The following GAS2L3 variants were observed in gnomAD, a reference collection of about 807,000 sequenced individuals.
GAS2L3 encodes the protein GAS2-like protein 3.
A neutral mutation model predicts 37.0 loss-of-function variants in GAS2L3; 28 were observed. That is an observed-to-expected ratio of 0.76 (90% confidence interval 0.56 to 1.04). The LOEUF (loss-of-function observed/expected upper bound fraction) is 1.04. Among genes scored for constraint, GAS2L3 ranks in the 50% least tolerant of loss-of-function variants. The pLI, the probability that GAS2L3 is intolerant of heterozygous loss-of-function variation, is 0.00. For synonymous variants in GAS2L3, 290 were observed against 296.6 expected (o/e 0.98, Z 0.23); for missense variants, 793 against 817.6 (o/e 0.97, Z 0.37).
chr12:100,611,403 G>A (rs777714608), intron 5 of GAS2L3: 2 of 152,082 alleles, frequency 1.3e-5, no homozygotes, highest in East Asian at 1.9e-4. Context: ...TAAGATTCTT[G>A]TTTCATTTTA....
At position 100,628,057 on chromosome 12, in the gene GAS2L3, C is replaced by G. The variant is rs1266612589; in HGVS notation, c.*3167C>G. On this transcript the variant is annotated 3_prime_UTR_variant, in exon 10 of 10. Transcript: ENST00000547754. Reference sequence around the variant, plus strand: ...TTGTCATTCTTTATGGATAAGAGAACTTAAGGAAAAGTTACTGTTTTTCTT... The same window carrying G: ...TTGTCATTCTTTATGGATAAGAGAAGTTAAGGAAAAGTTACTGTTTTTCTT... The G allele has an allele frequency of 6.6e-6, 1 of 152,064 alleles. No homozygotes were observed. The highest frequency in any genetic ancestry group is 2.4e-5 in the African/African-American group (1 of 41,414). 9.4% of individuals were successfully genotyped at this position (152,064 alleles called of 1,614,324 possible). A position where few individuals can be genotyped will look rare whatever the true frequency, so the allele number is the denominator to read the frequency against.
At chr12:100,619,957 G>A (rs965740105) in intron 8 of GAS2L3, among the ~76,000 whole-genome samples, 2 of 151,992 alleles carry the variant, frequency 1.3e-5, no homozygotes, top group Non-Finnish European at 2.9e-5. Context: ...TGCCCCACTA[G>A]CAAGATTTTT....
In GAS2L3 at chr12:100,594,940, A is replaced by G. The variant is rs778627480; in HGVS notation, c.18+18A>G. On this transcript the variant is annotated intron_variant, in intron 3 of 9. Coordinates refer to ENST00000547754, the MANE Select transcript of GAS2L3 (RefSeq NM_174942.3). ...CAATTCAAGTAAGTTTTTTTCTTGG[A>G]AACAATATTTAAATTATGAGATTAA... The G allele has an allele frequency of 7.5e-6, 9 of 1,196,428 alleles. No individual in the cohort carries two copies. The highest frequency in any genetic ancestry group is 1.1e-5 in the Non-Finnish European group (9 of 854,826). 74.1% of individuals were successfully genotyped at this position (1,196,428 alleles called of 1,614,324 possible).
chr12:100,588,584 G>A (rs897816023), intron 1 of GAS2L3, among the ~76,000 whole-genome samples: 4 of 152,156 alleles, frequency 2.6e-5, no homozygotes, highest in Non-Finnish European at 4.4e-5. Context: ...CAGAAAACAG[G>A]GTTTGAGAGC....
chr12:100,617,688 A>G, intron 6 of GAS2L3, 56 bp from the exon 7 acceptor site: 1 of 1,050,278 alleles, frequency 9.5e-7, no homozygotes, highest in Non-Finnish European at 1.5e-6. Flanking sequence ...CCATGCCAGA[A>G]ATATGTTTCC....
At position 100,625,984 on chromosome 12, in the gene GAS2L3, C is replaced by G. The variant is rs1231879280; in HGVS notation, c.*1094C>G. The G allele has an allele frequency of 6.6e-6, 1 of 152,148 alleles. No individual in the cohort carries two copies. The highest frequency in any genetic ancestry group is 2.4e-5 in the African/African-American group (1 of 41,422). 9.4% of individuals were successfully genotyped at this position (152,148 alleles called of 1,614,324 possible). On this transcript the variant is annotated 3_prime_UTR_variant, in exon 10 of 10. Transcript: ENST00000547754. Reference sequence around the variant, plus strand: ...GTAGACAGGATATGTTCAAGGTTTTCTGCACTGTAGGCACAGTCTCTCAAG... The same window carrying G: ...GTAGACAGGATATGTTCAAGGTTTTGTGCACTGTAGGCACAGTCTCTCAAG...
intron 3 of GAS2L3, among the ~76,000 whole-genome samples, chr12:100,600,065 T>A (rs1955965515): frequency 6.6e-6 from 1 of 152,082 alleles, no homozygotes; most frequent in Admixed American, 6.6e-5. Flanking sequence ...CTGCAATACA[T>A]AAAATTAAAA....
chr12:100,619,764 T>C (rs557063886), intron 8 of GAS2L3, among the ~76,000 whole-genome samples: 18 of 152,032 alleles, frequency 1.2e-4, no homozygotes, highest in Non-Finnish European at 2.1e-4. Flanking sequence ...TGGAACAATA[T>C]TTTTATCAAG....
chr12:100,614,373 G>A (rs369189649), intron 6 of GAS2L3, among the ~76,000 whole-genome samples: 37 of 151,992 alleles, frequency 2.4e-4, no homozygotes, highest in African/African-American at 8.2e-4. Flanking sequence ...TGAGGCAGGA[G>A]AATTACTTGA....
At chr12:100,577,236 A>G (rs965938369) in intron 1 of GAS2L3, among the ~76,000 whole-genome samples, 1 of 152,204 alleles carries the variant, frequency 6.6e-6, no homozygotes, top group Admixed American at 6.5e-5. Context: ...TACTGTATGA[A>G]TGTCCCATTA....
At chr12:100,609,940 A>G (rs1593180993) in intron 5 of GAS2L3, among the ~76,000 whole-genome samples, 1 of 152,178 alleles carries the variant, frequency 6.6e-6, no homozygotes. Flanking sequence ...GGGGTGGGCA[A>G]TTTAAGACTG....
chr12:100,601,243 T>C (rs1192518791), intron 4 of GAS2L3, among the ~76,000 whole-genome samples: 1 of 152,162 alleles, frequency 6.6e-6, no homozygotes, highest in Non-Finnish European at 1.5e-5. Flanking sequence ...ATAATGTTTT[T>C]AAAGAAGACA....
chr12:100,590,406 A>G (rs1271975030), intron 1 of GAS2L3, among the ~76,000 whole-genome samples: 2 of 152,208 alleles, frequency 1.3e-5, no homozygotes, highest in Non-Finnish European at 2.9e-5. Context: ...TAATCAAAAA[A>G]TCAAAAAACA....
Position 100,618,654 on chromosome 12 carries a change from G to T in GAS2L3, c.648+67G>T, listed in dbSNP as rs1956217728. 7.2e-6 allele frequency: 10 copies of T among 1,395,394 alleles called. No individual in the cohort carries two copies. In the Admixed American group the frequency reaches 2.1e-4, roughly 30 times the overall value. The allele number at this position is 1,395,394 out of a possible 1,614,324, so 86.4% of individuals were successfully genotyped here. A position where few individuals can be genotyped will look rare whatever the true frequency, so the allele number is the denominator to read the frequency against. On this transcript the variant is annotated intron_variant, in intron 8 of 9. Transcript: ENST00000547754. Reference sequence around the variant, plus strand: ...AGTCTCATAGTTTTAAGCACTTCTAGTGTGCTACAGGTGATGCTATTTTTA... The same window carrying T: ...AGTCTCATAGTTTTAAGCACTTCTATTGTGCTACAGGTGATGCTATTTTTA...
chr12:100,600,337 G>A (rs996702987), intron 3 of GAS2L3, 45 bp from the exon 4 acceptor site: 3 of 1,259,186 alleles, frequency 2.4e-6, no homozygotes, highest in Non-Finnish European at 3.3e-6. Context: ...ATGACTTTTA[G>A]CAAAGGTTTT....
intron 1 of GAS2L3, among the ~76,000 whole-genome samples, chr12:100,575,225 T>G (rs1231373530): frequency 1.3e-5 from 2 of 152,068 alleles, no homozygotes; most frequent in East Asian, 1.9e-4. Flanking sequence ...GCTGTTTAAC[T>G]TAGACAAAAA....
intron 8 of GAS2L3, among the ~76,000 whole-genome samples, chr12:100,621,996 T>C (rs1956260777): frequency 6.6e-6 from 1 of 151,948 alleles, no homozygotes; most frequent in South Asian, 2.1e-4. Flanking sequence ...TGCTACTTAC[T>C]AGCTGTATGA....
intron 2 of GAS2L3, among the ~76,000 whole-genome samples, chr12:100,592,887 A>G (rs1239181506): frequency 2.0e-5 from 3 of 152,122 alleles, no homozygotes. Context: ...AAAACAAAAA[A>G]TAAGGACAAT....
intron 8 of GAS2L3, among the ~76,000 whole-genome samples, chr12:100,618,896 T>A (rs570152308): frequency 1.8e-4 from 27 of 152,220 alleles, no homozygotes; most frequent in African/African-American, 6.5e-4. Context: ...CTGGTAGTAT[T>A]GTAATCTGAT....
Sources: gnomAD v4.1 joint callset for allele counts (sites outside exome capture counted in the v4.1 genomes callset) on GRCh38, gnomAD v4.1.1 for gene constraint, MANE v1.5 for transcripts, NCBI Gene and HGNC (gene_info 2026-07-23, HGNC 2026-07-21) for gene names.